TRERF1: variants seen among roughly 807,000 people sequenced by gnomAD.
TRERF1 encodes the protein transcriptional-regulating factor 1.
In TRERF1, 27 loss-of-function variants were observed where a neutral mutation model predicts 122.9. The ratio of observed to expected loss-of-function variants is 0.22; its 90% CI spans 0.16 to 0.30. The LOEUF (loss-of-function observed/expected upper bound fraction) is 0.30, where lower values mean the gene tolerates loss of function less well. Ranked by LOEUF, TRERF1 falls within the 10% of genes least tolerant of loss-of-function variation. The probability of loss-of-function intolerance (pLI) is 1.00; values close to 1 mark genes in which losing one functional copy is unlikely to be tolerated. For synonymous variants in TRERF1, 636 were observed against 641.7 expected, an observed-to-expected ratio of 0.99 and a Z score of 0.13; for missense variants, 1,248 against 1,560.3, an observed-to-expected ratio of 0.80 and a Z score of 3.37.
At chr6:42,394,466 C>T (rs535175016) in intron 2 of TRERF1, among the ~76,000 whole-genome samples, 55 of 152,194 alleles carry the variant, frequency 3.6e-4, no homozygotes, top group Non-Finnish European at 5.4e-4. Flanking sequence ...TGCAGATGTA[C>T]ACATTCATTC....
intron 4 of TRERF1, among the ~76,000 whole-genome samples, chr6:42,287,863 T>G (rs1783550038): frequency 6.6e-6 from 1 of 152,048 alleles, no homozygotes; most frequent in South Asian, 2.1e-4. Flanking sequence ...TGCCAACAGG[T>G]AAGTGTCCAA....
At chr6:42,418,776 C>T (rs1247292721) in intron 2 of TRERF1, among the ~76,000 whole-genome samples, 2 of 152,096 alleles carry the variant, frequency 1.3e-5, no homozygotes, top group East Asian at 1.9e-4. Flanking sequence ...AAGATTCATG[C>T]TGGGGGTTCA....
At chr6:42,323,751 A>G (rs1158389360) in intron 3 of TRERF1, among the ~76,000 whole-genome samples, 1 of 152,208 alleles carries the variant, frequency 6.6e-6, no homozygotes, top group Non-Finnish European at 1.5e-5. Flanking sequence ...TAAGCAGGTA[A>G]GCATTGGTTG....
At chr6:42,392,927 C>CAT (rs1034729636) in intron 2 of TRERF1, among the ~76,000 whole-genome samples, 4 of 67,566 alleles carry the variant, frequency 5.9e-5, no homozygotes, top group Non-Finnish European at 1.4e-4. Context: ...CACATACACA[C>CAT]ACATACACAC....
chr6:42,365,656 A>C (rs1385136522), intron 2 of TRERF1, among the ~76,000 whole-genome samples: 1 of 152,124 alleles, frequency 6.6e-6, no homozygotes, highest in Non-Finnish European at 1.5e-5. Flanking sequence ...AGATGAAGTA[A>C]TTTGCTCAAG....
At chr6:42,427,441 G>T (rs1783795097) in intron 2 of TRERF1, among the ~76,000 whole-genome samples, 1 of 151,952 alleles carries the variant, frequency 6.6e-6, no homozygotes, top group African/African-American at 2.4e-5. Flanking sequence ...TGTAGAGACA[G>T]GATCTCACTA....
At chr6:42,439,282 G>A (rs694148) in intron 2 of TRERF1, among the ~76,000 whole-genome samples, 105,046 of 151,936 alleles carry the variant, frequency 0.69, 37,696 homozygotes, top group Non-Finnish European at 0.8. Context: ...ACTACGCTCC[G>A]TAACGTGACA....
chr6:42,370,930 T>C (rs937969194), intron 2 of TRERF1, among the ~76,000 whole-genome samples: 9 of 152,124 alleles, frequency 5.9e-5, no homozygotes, highest in Non-Finnish European at 2.9e-5. Context: ...TCCTCTATGT[T>C]TTTCCCAGGC....
chr6:42,299,404 C>T (rs1395070467), intron 4 of TRERF1, among the ~76,000 whole-genome samples: 1 of 152,080 alleles, frequency 6.6e-6, no homozygotes, highest in Non-Finnish European at 1.5e-5. Flanking sequence ...AAATAAATCC[C>T]AATTCATCAA....
chr6:42,256,344 T>C (rs555052557), intron 12 of TRERF1, among the ~76,000 whole-genome samples: 16 of 152,174 alleles, frequency 1.1e-4, no homozygotes, highest in African/African-American at 3.9e-4. Flanking sequence ...ATTTCCATAG[T>C]AGGGAAGAAG....
chr6:42,356,657 C>T (rs536264725), intron 3 of TRERF1, among the ~76,000 whole-genome samples: 42 of 152,286 alleles, frequency 2.8e-4, no homozygotes, highest in African/African-American at 9.9e-4. Flanking sequence ...TCACTGCAGC[C>T]TTCATCTCCC....
intron 2 of TRERF1, among the ~76,000 whole-genome samples, chr6:42,404,677 C>T (rs1438740394): frequency 6.6e-6 from 1 of 152,120 alleles, no homozygotes; most frequent in Non-Finnish European, 1.5e-5. Flanking sequence ...AGGATACTCT[C>T]CTCCTGCCTC....
intron 4 of TRERF1, among the ~76,000 whole-genome samples, chr6:42,270,193 C>CTG (rs1331571591): frequency 3.3e-5 from 5 of 151,510 alleles, no homozygotes; most frequent in African/African-American, 1.2e-4. Context: ...CTCTCTCTCT[C>CTG]TCTGTGTGTG....
chr6:42,340,034 T>C (rs538011633), intron 3 of TRERF1, among the ~76,000 whole-genome samples: 13 of 152,274 alleles, frequency 8.5e-5, no homozygotes, highest in Admixed American at 3.9e-4. Flanking sequence ...TGGCACCACG[T>C]CTTTCCACCC....
chr6:42,314,971 A>G (rs1762251651), intron 3 of TRERF1, among the ~76,000 whole-genome samples: 2 of 152,236 alleles, frequency 1.3e-5, no homozygotes, highest in African/African-American at 4.8e-5. Context: ...AGGAGGTGTC[A>G]GTTGAGCTGA....
At chr6:42,298,839 C>T (rs561911908) in intron 4 of TRERF1, among the ~76,000 whole-genome samples, 1 of 152,208 alleles carries the variant, frequency 6.6e-6, no homozygotes, top group South Asian at 2.1e-4. Context: ...ACTCAGGAGA[C>T]TCAGGCAGGA....
At chr6:42,416,155 C>A (rs1781807161) in intron 2 of TRERF1, among the ~76,000 whole-genome samples, 1 of 151,966 alleles carries the variant, frequency 6.6e-6, no homozygotes, top group South Asian at 2.1e-4. Flanking sequence ...ATTAACTATG[C>A]ACCAAACTAC....
chr6:42,382,025 A>G (rs1478429926), intron 2 of TRERF1, among the ~76,000 whole-genome samples: 1 of 151,948 alleles, frequency 6.6e-6, no homozygotes, highest in Non-Finnish European at 1.5e-5. Context: ...TCCTCATTAC[A>G]GTGCTAATAG....
intron 12 of TRERF1, among the ~76,000 whole-genome samples, chr6:42,256,106 G>A (rs1165374207): frequency 6.7e-6 from 1 of 150,264 alleles, no homozygotes; most frequent in African/African-American, 2.5e-5. Context: ...ACTCCAGCCT[G>A]GGCGATAGAG....
Sources: allele counts gnomAD v4.1 joint callset (sites outside exome capture counted in the v4.1 genomes callset), GRCh38; gene constraint gnomAD v4.1.1; transcripts MANE v1.5; gene names NCBI Gene and HGNC (gene_info 2026-07-23, HGNC 2026-07-21).